PPP2R2C: variants seen among roughly 807,000 people sequenced by gnomAD.
PPP2R2C encodes protein phosphatase 2, regulatory subunit B, gamma.
Under a neutral mutation model 45.3 loss-of-function variants are expected in PPP2R2C, and 10 were observed. That is an observed-to-expected ratio of 0.22 (90% CI 0.14 to 0.37). The LOEUF (loss-of-function observed/expected upper bound fraction) is 0.37. Ranked by LOEUF, PPP2R2C falls within the 10% of genes least tolerant of loss-of-function variation. The pLI is 1.00. For synonymous variants in PPP2R2C, 257 were observed against 245.4 expected (o/e 1.05, Z -0.44); for missense variants, 308 against 619.7 (o/e 0.50, Z 5.34).
At chr4:6,419,075 G>A (rs1197367333) in intron 1 of PPP2R2C, among the ~76,000 whole-genome samples, 1 of 152,222 alleles carries the variant, frequency 6.6e-6, no homozygotes, top group African/African-American at 2.4e-5. Flanking sequence ...CAGCCCAAGA[G>A]CTAAGAATGT....
intron 2 of PPP2R2C, among the ~76,000 whole-genome samples, chr4:6,510,547 T>A (rs1723391199): frequency 6.6e-6 from 1 of 152,202 alleles, no homozygotes; most frequent in Non-Finnish European, 1.5e-5. Context: ...CCGCCCCACA[T>A]GCATGTGCAT....
chr4:6,381,782 G>T lies in PPP2R2C; in HGVS notation c.71-688C>A, dbSNP rs375633101. ...TTATGGAGTCACCCCCATACCTGGA[G>T]TCTTCAATGCCCAGGGCTGGCCTTC... On this transcript the variant is annotated intron_variant, in intron 1 of 8. Coordinates refer to ENST00000382599, the MANE Select transcript of PPP2R2C (RefSeq NM_020416.4). 1 of 1,613,494 alleles carries T rather than the reference G, an allele frequency of 6.2e-7. No homozygotes were observed.
At chr4:6,478,363 T>G (rs1291688831) in intron 2 of PPP2R2C, among the ~76,000 whole-genome samples, 1 of 152,210 alleles carries the variant, frequency 6.6e-6, no homozygotes, top group Non-Finnish European at 1.5e-5. Flanking sequence ...CTTTGCAGAG[T>G]ACAAGGTGAG....
rs2109391883 is a variant in PPP2R2C at position 6,420,841 on chromosome 4, G to C, written c.71-39747C>G. ...ATGGAATGACGGCTGGGACATGCCA[G>C]TGCCCAGGTCTGTGCTGGCACACAC... On this transcript the variant is annotated intron_variant, in intron 1 of 8. Coordinates refer to ENST00000382599, the MANE Select transcript of PPP2R2C (RefSeq NM_020416.4). The C allele has an allele frequency of 4.1e-6, 3 of 732,668 alleles. No individual in the cohort carries two copies. In the African/African-American group the frequency reaches 5.7e-5, roughly 14 times the overall value. The allele number at this position is 732,668 out of a possible 1,614,324, so 45.4% of individuals were successfully genotyped here.
intron 1 of PPP2R2C, among the ~76,000 whole-genome samples, chr4:6,433,306 A>G (rs1719723486): frequency 6.6e-6 from 1 of 152,184 alleles, no homozygotes; most frequent in African/African-American, 2.4e-5. Context: ...CTGCTTGGAC[A>G]TATCTGGATA....
chr4:6,483,958 A>C (rs940889996), intron 2 of PPP2R2C, among the ~76,000 whole-genome samples: 6 of 152,078 alleles, frequency 3.9e-5, no homozygotes, highest in Admixed American at 3.3e-4. Flanking sequence ...TTTTACTAAA[A>C]TACAGCCATA....
At position 6,537,032 on chromosome 4, in the gene PPP2R2C, G is replaced by A. The variant is rs150150727; in HGVS notation, c.-58-1655C>T. ...AGCCTGGCCAACATGGTGAAACCCT[G>A]TCTCTACTGAAAATACAAAAATTAG... is the stretch of plus-strand genomic sequence containing the variant. On this transcript the variant is annotated intron_variant, in intron 1 of 9. Coordinates refer to the PPP2R2C transcript ENST00000506140. 5.9e-3 allele frequency among the ~76,000 whole-genome samples: 895 copies of A among 152,146 alleles called. 8 individuals carry two copies. The highest frequency in any genetic ancestry group is 0.02 in the Middle Eastern group (6 of 294).
At chr4:6,492,350 A>G (rs1722722309) in intron 2 of PPP2R2C, among the ~76,000 whole-genome samples, 4 of 152,198 alleles carry the variant, frequency 2.6e-5, no homozygotes, top group Admixed American at 2.6e-4. Flanking sequence ...CCAACCCCAC[A>G]GACAGGGAGG....
At chr4:6,389,966 G>T (rs1716487062) in intron 1 of PPP2R2C, among the ~76,000 whole-genome samples, 1 of 152,160 alleles carries the variant, frequency 6.6e-6, no homozygotes, top group South Asian at 2.1e-4. Flanking sequence ...AGGAGTTGGT[G>T]AAGGAGAAAG....
intron 5 of PPP2R2C, among the ~76,000 whole-genome samples, chr4:6,353,514 C>A (rs1419565206): frequency 3.5e-5 from 1 of 28,476 alleles, no homozygotes; most frequent in African/African-American, 1.7e-4. Context: ...CGACAGCCCC[C>A]CACACCGACA....
rs188612410 is a variant in PPP2R2C, at chr4:6,338,019, C to T, written c.791-4288G>A. On this transcript the variant is annotated intron_variant, in intron 6 of 8. Transcript: ENST00000382599. ...CCATATCAATCGCTGCCCCCGAGTA[C>T]GCACGCAAACACACACACATACACA... 9.3e-4 allele frequency among the ~76,000 whole-genome samples: 141 copies of T among 152,154 alleles called. No individual in the cohort carries two copies. The East Asian group carries it at 0.025, about 26-fold the overall frequency.
At chr4:6,542,574 G>T (rs187965056) in intron 1 of PPP2R2C, among the ~76,000 whole-genome samples, 1 of 151,778 alleles carries the variant, frequency 6.6e-6, no homozygotes, top group African/African-American at 2.4e-5. Context: ...ATGGTGGCAG[G>T]CACCTGTAAT....
chr4:6,408,745 C>A (rs898637512), intron 1 of PPP2R2C, among the ~76,000 whole-genome samples: 2 of 152,018 alleles, frequency 1.3e-5, no homozygotes, highest in African/African-American at 4.8e-5. Flanking sequence ...TGCGGGGCAC[C>A]CTGAGAAACT....
At chr4:6,358,683 A>C (rs2109258961) in intron 5 of PPP2R2C, among the ~76,000 whole-genome samples, 1 of 152,356 alleles carries the variant, frequency 6.6e-6, no homozygotes, top group Non-Finnish European at 1.5e-5. Flanking sequence ...AAAGTGGGCA[A>C]AGGATATGAA....
intron 1 of PPP2R2C, among the ~76,000 whole-genome samples, chr4:6,442,989 C>T (rs1720227721): frequency 6.6e-6 from 1 of 152,228 alleles, no homozygotes; most frequent in African/African-American, 2.4e-5. Context: ...CGTGACTTTC[C>T]CGACCTAAAT....
intron 1 of PPP2R2C, among the ~76,000 whole-genome samples, chr4:6,409,425 G>C (rs1718005219): frequency 6.6e-6 from 1 of 152,190 alleles, no homozygotes; most frequent in Admixed American, 6.5e-5. Context: ...AGTGGTGCCA[G>C]GCACCAGGCC....
intron 1 of PPP2R2C, among the ~76,000 whole-genome samples, chr4:6,543,892 C>T (rs760383887): frequency 7.2e-5 from 11 of 152,204 alleles, no homozygotes; most frequent in Non-Finnish European, 1.3e-4. Context: ...CGTGGGTCTG[C>T]TCTCCGTAAC....
At chr4:6,475,785 A>C (rs1268828444), upstream of PPP2R2C, among the ~76,000 whole-genome samples, 1 of 152,256 alleles carries the variant, frequency 6.6e-6, no homozygotes, top group Non-Finnish European at 1.5e-5. Flanking sequence ...CAGAGAGAAC[A>C]TGCATGGAAA....
At chr4:6,426,015 G>T (rs1719278052) in intron 1 of PPP2R2C, among the ~76,000 whole-genome samples, 1 of 152,126 alleles carries the variant, frequency 6.6e-6, no homozygotes, top group African/African-American at 2.4e-5. Flanking sequence ...CCTGGGTACA[G>T]GCCTGCTTCC....
Sources: gnomAD v4.1 joint callset for allele counts (sites outside exome capture counted in the v4.1 genomes callset) on GRCh38, gnomAD v4.1.1 for gene constraint, MANE v1.5 for transcripts, NCBI Gene and HGNC (gene_info 2026-07-23, HGNC 2026-07-21) for gene names.